The following CSMD3 variants were observed in gnomAD, a reference collection of about 807,000 sequenced individuals.
CSMD3 encodes CUB and Sushi multiple domains 3.
In CSMD3, 177 loss-of-function variants were observed where a neutral mutation model predicts 435.2. The ratio of observed to expected loss-of-function variants is 0.41; its 90% CI spans 0.36 to 0.46. CSMD3 has a LOEUF of 0.46. CSMD3 is among the 20% of genes least tolerant of loss of function. The probability of loss-of-function intolerance (pLI) is 0.34; values close to 1 mark genes in which losing one functional copy is unlikely to be tolerated. For missense variants in CSMD3, 4,265 were observed against 4,504.6 expected (o/e 0.95, Z 1.52); for synonymous variants, 1,656 against 1,520.5 (o/e 1.09, Z -2.07).
chr8:113,042,886 G>A (rs971573833), intron 5 of CSMD3, among the ~76,000 whole-genome samples: 5 of 152,126 alleles, frequency 3.3e-5, no homozygotes, highest in South Asian at 2.1e-4. Flanking sequence ...CAACCTCCAC[G>A]TTGTTCTTCA....
chr8:112,317,362 G>T (rs1001980461), intron 47 of CSMD3, among the ~76,000 whole-genome samples: 6 of 151,946 alleles, frequency 3.9e-5, no homozygotes, highest in Admixed American at 3.3e-4. Context: ...CAAGAAGCTT[G>T]CTCTCCAAGA....
In CSMD3 at chr8:112,427,787, T is replaced by C. The variant is rs1244883815; in HGVS notation, c.5396-18755A>G. Among the ~76,000 whole-genome samples the C allele has an allele frequency of 3.3e-5, 5 of 152,180 alleles. No homozygotes were observed. In the East Asian group the frequency reaches 9.6e-4, roughly 29 times the overall value. On this transcript the variant is annotated intron_variant, in intron 32 of 70. Transcript: ENST00000297405. ...ATTCAGGTCATTACTTTGTATCTTC[T>C]AAATGTGTCTTGATTCTCATCTACC...
At chr8:113,377,234 G>A in intron 1 of CSMD3, 1 of 821,352 alleles carries the variant, frequency 1.2e-6, no homozygotes, top group Non-Finnish European at 1.6e-6. Context: ...GGCCAGCCGA[G>A]GATACAAAAA....
At chr8:113,050,040 G>A (rs997358044) in intron 5 of CSMD3, among the ~76,000 whole-genome samples, 1 of 151,660 alleles carries the variant, frequency 6.6e-6, no homozygotes, top group Non-Finnish European at 1.5e-5. Context: ...TCTCTTTAGC[G>A]GAAATAAAAA....
intron 3 of CSMD3, among the ~76,000 whole-genome samples, chr8:113,183,850 A>C (rs2131944595): frequency 6.6e-6 from 1 of 152,110 alleles, no homozygotes; most frequent in Non-Finnish European, 1.5e-5. Context: ...CTCTACTCCG[A>C]CACTAAAACA....
chr8:112,893,061 T>G (rs772158800), intron 10 of CSMD3, among the ~76,000 whole-genome samples: 1 of 151,246 alleles, frequency 6.6e-6, no homozygotes, highest in Non-Finnish European at 1.5e-5. Context: ...CTGCTACTAC[T>G]ACTACTATAA....
chr8:112,565,320 A>C (rs191308140), intron 24 of CSMD3, among the ~76,000 whole-genome samples: 1 of 152,258 alleles, frequency 6.6e-6, no homozygotes. Flanking sequence ...CATTTGCATT[A>C]AATGAGTTAT....
intron 10 of CSMD3, among the ~76,000 whole-genome samples, chr8:112,873,076 A>G (rs971075711): frequency 6.6e-6 from 1 of 152,072 alleles, no homozygotes; most frequent in African/African-American, 2.4e-5. Flanking sequence ...CAAATTATCC[A>G]GGAAATTAAC....
At chr8:113,111,899 CG>C (rs2090652742) in intron 4 of CSMD3, among the ~76,000 whole-genome samples, 1 of 151,918 alleles carries the variant, frequency 6.6e-6, no homozygotes, top group African/African-American at 2.4e-5. Flanking sequence ...AGGCTGGTCT[CG>C]AACTCCTGAC....
intron 32 of CSMD3, among the ~76,000 whole-genome samples, chr8:112,414,995 C>T (rs765657817): frequency 9.2e-5 from 14 of 152,188 alleles, no homozygotes; most frequent in Non-Finnish European, 1.9e-4. Context: ...GGAGAATTTG[C>T]AGCCTGACCA....
intron 27 of CSMD3, among the ~76,000 whole-genome samples, chr8:112,534,503 A>G (rs1250005882): frequency 6.6e-6 from 1 of 152,198 alleles, no homozygotes; most frequent in African/African-American, 2.4e-5. Flanking sequence ...CTCTGAATAG[A>G]CCAATTACAG....
At chr8:113,426,312 T>C (rs1249427082) in intron 1 of CSMD3, among the ~76,000 whole-genome samples, 1 of 151,378 alleles carries the variant, frequency 6.6e-6, no homozygotes. Flanking sequence ...TTCTAAAAAT[T>C]ACAAATTAGC....
intron 18 of CSMD3, among the ~76,000 whole-genome samples, chr8:112,652,843 C>T (rs549571468): frequency 8.1e-4 from 123 of 152,156 alleles, no homozygotes; most frequent in Non-Finnish European, 5.0e-4. Flanking sequence ...AGAGTCTCAC[C>T]CATCCTACAG....
At chr8:113,083,237 C>T (rs1290192068) in intron 5 of CSMD3, among the ~76,000 whole-genome samples, 1 of 151,936 alleles carries the variant, frequency 6.6e-6, no homozygotes, top group Non-Finnish European at 1.5e-5. Flanking sequence ...AATTCTAAAA[C>T]AGCAAGAGAA....
intron 4 of CSMD3, among the ~76,000 whole-genome samples, chr8:113,107,321 A>G (rs1044397321): frequency 6.6e-6 from 1 of 152,190 alleles, no homozygotes; most frequent in Non-Finnish European, 1.5e-5. Flanking sequence ...GGGTTTCACC[A>G]TATTGCCCAG....
chr8:112,940,062 A>T (rs2083404338), intron 9 of CSMD3, among the ~76,000 whole-genome samples: 1 of 151,928 alleles, frequency 6.6e-6, no homozygotes, highest in South Asian at 2.1e-4. Flanking sequence ...AAGATTTATA[A>T]CTAATATACT....
Position 112,793,956 on chromosome 8 carries a change from T to G in CSMD3, c.1972+6206A>C, listed in dbSNP as rs140120253. Among the ~76,000 whole-genome samples the G allele has an allele frequency of 4.8e-4, 73 of 152,246 alleles. No individual in the cohort carries two copies. The East Asian group carries it at 0.011, about 23-fold the overall frequency. On this transcript the variant is annotated intron_variant, in intron 13 of 70. Coordinates refer to ENST00000297405, the MANE Select transcript of CSMD3 (RefSeq NM_198123.2). ...TTAAACAAAGACATAACAAATGTGT[T>G]TATCAGGGTTCATTTAGTTGAGAGG...
At chr8:113,007,752 A>G (rs2086110216) in intron 6 of CSMD3, among the ~76,000 whole-genome samples, 1 of 151,894 alleles carries the variant, frequency 6.6e-6, no homozygotes, top group Non-Finnish European at 1.5e-5. Context: ...CAGTATACCT[A>G]ACTGGAAAAA....
At chr8:112,609,416 C>G (rs1038695604) in intron 22 of CSMD3, among the ~76,000 whole-genome samples, 9 of 151,886 alleles carry the variant, frequency 5.9e-5, no homozygotes, top group Admixed American at 5.9e-4. Flanking sequence ...TGGAAAGGTA[C>G]TCAGCATCAC....
Sources: allele counts gnomAD v4.1 joint callset (sites outside exome capture counted in the v4.1 genomes callset), GRCh38; gene constraint gnomAD v4.1.1; transcripts MANE v1.5; gene names NCBI Gene and HGNC (gene_info 2026-07-23, HGNC 2026-07-21).